Variants in PHF24 observed in about 807,000 individuals in gnomAD.
PHF24 encodes the protein PHD finger protein 24, also known as Galpha inhibitory interacting protein.
PHF24 carries 25 observed loss-of-function variants against 42.6 expected under a neutral mutation model. The observed-to-expected ratio is 0.59, with a 90% CI of 0.43 to 0.82. The LOEUF (loss-of-function observed/expected upper bound fraction) is 0.82, where lower values mean the gene tolerates loss of function less well. Ranked by LOEUF, PHF24 falls within the 40% of genes least tolerant of loss-of-function variation. PHF24 has a pLI of 0.00. For missense variants in PHF24, 470 were observed against 538.1 expected (o/e 0.87, Z 1.25); for synonymous variants, 185 against 204.8 (o/e 0.90, Z 0.83).
the PHF24 span, among the ~76,000 whole-genome samples, chr9:34,876,199 A>G: frequency 1.3e-5 from 2 of 152,164 alleles, no homozygotes; most frequent in African/African-American, 2.4e-5. Flanking sequence ...AAACCTGCAC[A>G]TGGATGTTTA....
chr9:34,724,892 G>A, the PHF24 span: 2 of 1,549,588 alleles, frequency 1.3e-6, no homozygotes, highest in Non-Finnish European at 1.7e-6. Context: ...CGACAGGAAG[G>A]CCAGATGCTT....
chr9:34,885,002 A>T, the PHF24 span, among the ~76,000 whole-genome samples: 27 of 152,204 alleles, frequency 1.8e-4, no homozygotes, highest in Non-Finnish European at 3.5e-4. Flanking sequence ...ATGTGTGTAC[A>T]TTAACCCCGG....
chr9:34,930,594 G>A, the PHF24 span, among the ~76,000 whole-genome samples: 1 of 152,174 alleles, frequency 6.6e-6, no homozygotes, highest in Non-Finnish European at 1.5e-5. Flanking sequence ...TTTACTCCTG[G>A]TATTTATGAA....
the PHF24 span, chr9:34,836,119 T>C: frequency 2.1e-6 from 1 of 471,030 alleles, no homozygotes; most frequent in South Asian, 1.6e-5. Flanking sequence ...GAGTGTGGGC[T>C]AGCGTTGGCA....
At chr9:34,682,602 A>G in the PHF24 span, among the ~76,000 whole-genome samples, 8 of 152,150 alleles carry the variant, frequency 5.3e-5, no homozygotes, top group Non-Finnish European at 1.0e-4. Flanking sequence ...TTCATTGCCC[A>G]CAAAGTTAGC....
chr9:34,872,362 C>A, the PHF24 span, among the ~76,000 whole-genome samples: 12 of 112,140 alleles, frequency 1.1e-4, no homozygotes, highest in Non-Finnish European at 1.4e-4. Flanking sequence ...CCCCCTCCCC[C>A]CACCCCACAA....
chr9:34,875,944 A>ACTCTCTCTCTCTCT, the PHF24 span, among the ~76,000 whole-genome samples: 19 of 85,682 alleles, frequency 2.2e-4, no homozygotes, highest in African/African-American at 8.8e-4. Flanking sequence ...ACACACACAC[A>ACTCTCTCTCTCTCT]CACACACTCT....
At chr9:34,710,049 A>G in the PHF24 span, 1 of 1,613,870 alleles carries the variant, frequency 6.2e-7, no homozygotes, top group Non-Finnish European at 8.5e-7. Flanking sequence ...GGAGGCTCAG[A>G]GCCAGTGACT....
At chr9:34,936,552 C>T in the PHF24 span, among the ~76,000 whole-genome samples, 1 of 150,076 alleles carries the variant, frequency 6.7e-6, no homozygotes, top group Non-Finnish European at 1.5e-5. Context: ...GTGAGGAGCC[C>T]CTCTGCCTGG....
the PHF24 span, among the ~76,000 whole-genome samples, chr9:34,759,275 G>C: frequency 6.6e-6 from 1 of 152,148 alleles, no homozygotes; most frequent in African/African-American, 2.4e-5. Flanking sequence ...AGCTGGACCA[G>C]CTGTACCCAA....
At chr9:34,777,941 T>C in the PHF24 span, among the ~76,000 whole-genome samples, 2 of 152,246 alleles carry the variant, frequency 1.3e-5, no homozygotes, top group Non-Finnish European at 2.9e-5. Context: ...GTGGCTAGGA[T>C]TGCAGAAGTC....
chr9:34,811,664 A>G, the PHF24 span, among the ~76,000 whole-genome samples: 1 of 152,370 alleles, frequency 6.6e-6, no homozygotes, highest in South Asian at 2.1e-4. Flanking sequence ...GCCTAAGACA[A>G]GGCTAAATAG....
At chr9:34,747,129 A>G in the PHF24 span, among the ~76,000 whole-genome samples, 1 of 152,208 alleles carries the variant, frequency 6.6e-6, no homozygotes, top group African/African-American at 2.4e-5. Flanking sequence ...AAAGTTCTGC[A>G]GGACATAGTG....
chr9:34,714,642 C>CA, the PHF24 span, among the ~76,000 whole-genome samples: 1 of 152,276 alleles, frequency 6.6e-6, no homozygotes, highest in Admixed American at 6.5e-5. Flanking sequence ...CCCCATCCCA[C>CA]ACTCTAGATT....
chr9:34,717,860 C>G, the PHF24 span, among the ~76,000 whole-genome samples: 1 of 152,150 alleles, frequency 6.6e-6, no homozygotes, highest in East Asian at 1.9e-4. Flanking sequence ...GCAGGGTGTT[C>G]ATGGGTCCAT....
the PHF24 span, chr9:34,832,475 T>C: frequency 1.1e-4 from 162 of 1,511,290 alleles, no homozygotes; most frequent in Non-Finnish European, 1.4e-4. Context: ...CACGATGAGA[T>C]TGGGCCTTGG....
the PHF24 span, among the ~76,000 whole-genome samples, chr9:34,706,690 A>C: frequency 5.8e-4 from 88 of 152,314 alleles, no homozygotes; most frequent in African/African-American, 2.0e-3. Flanking sequence ...TGGCAGGAGA[A>C]TTTAGTGAAA....
chr9:34,680,720 A>AT, the PHF24 span, among the ~76,000 whole-genome samples: 1 of 128,668 alleles, frequency 7.8e-6, no homozygotes, highest in African/African-American at 3.1e-5. Flanking sequence ...AAAAAAAAAT[A>AT]AAATAAAATA....
At chr9:34,688,589 G>T in the PHF24 span, among the ~76,000 whole-genome samples, 1 of 152,070 alleles carries the variant, frequency 6.6e-6, no homozygotes, top group Non-Finnish European at 1.5e-5. Context: ...CTTCCACCCC[G>T]TGGGCCTCTC....
Sources: allele counts gnomAD v4.1 joint callset (sites outside exome capture counted in the v4.1 genomes callset), GRCh38; gene constraint gnomAD v4.1.1; transcripts MANE v1.5; gene names NCBI Gene and HGNC (gene_info 2026-07-23, HGNC 2026-07-21).